AMD1: variants seen among roughly 807,000 people sequenced by gnomAD.
The protein encoded by AMD1 is adenosylmethionine decarboxylase 1.
AMD1 carries 11 observed loss-of-function variants against 40.2 expected under a neutral mutation model. The observed-to-expected ratio is 0.27, with a 90% CI of 0.17 to 0.45. The LOEUF is 0.45. Ranked by LOEUF, AMD1 falls within the 20% of genes least tolerant of loss-of-function variation. AMD1 has a pLI of 1.00. For missense variants in AMD1, 257 were observed against 410.2 expected (o/e 0.63, Z 3.23); for synonymous variants, 121 against 130.8 (o/e 0.93, Z 0.51).
chr6:110,822,805 A>G, the AMD1 span, among the ~76,000 whole-genome samples: 1 of 152,160 alleles, frequency 6.6e-6, no homozygotes, highest in African/African-American at 2.4e-5. Context: ...GTGATTCACC[A>G]CAGAAACAGA....
chr6:110,889,775 A>C (rs1785905466), intron 3 of AMD1: 1 of 152,800 alleles, frequency 6.5e-6, no homozygotes, highest in African/African-American at 2.4e-5. Flanking sequence ...CTTCATAAGG[A>C]AAGGATGGAT....
At chr6:110,877,384 A>AAT (rs1393965395) in intron 1 of AMD1, among the ~76,000 whole-genome samples, 1 of 152,268 alleles carries the variant, frequency 6.6e-6, no homozygotes, top group African/African-American at 2.4e-5. Flanking sequence ...AAAAGCCTGA[A>AAT]ATAGTAGGTG....
At chr6:110,889,063 T>C (rs1295645645) in intron 3 of AMD1, 80 bp downstream of exon 3, 1 of 1,525,592 alleles carries the variant, frequency 6.6e-7, no homozygotes, top group African/African-American at 1.4e-5. Flanking sequence ...TAAATAAATT[T>C]ATATACTTAC....
the AMD1 span, among the ~76,000 whole-genome samples, chr6:110,821,598 GC>G: frequency 3.6e-4 from 55 of 151,856 alleles, no homozygotes; most frequent in South Asian, 0.011. Context: ...TGGGAGACGA[GC>G]AAAACTCCAT....
At chr6:110,815,050 G>T in the AMD1 span, 1 of 1,605,846 alleles carries the variant, frequency 6.2e-7, no homozygotes, top group Non-Finnish European at 8.5e-7. Flanking sequence ...CGTAGGTGCC[G>T]CGTCCCACTT....
At chr6:110,845,079 G>A in the AMD1 span, among the ~76,000 whole-genome samples, 201 of 136,020 alleles carry the variant, frequency 1.5e-3, no homozygotes, top group Non-Finnish European at 2.6e-3. Context: ...TCACTCTGTC[G>A]CCCAGGCTGG....
intron 7 of AMD1, 21 bp from the exon 8 acceptor site, chr6:110,892,889 A>G (rs1786109921): frequency 6.2e-7 from 1 of 1,613,192 alleles, no homozygotes. Flanking sequence ...CATTCTTAAC[A>G]CTGTGAACTT....
the AMD1 span, among the ~76,000 whole-genome samples, chr6:110,855,046 C>T: frequency 7.0e-6 from 1 of 142,172 alleles, no homozygotes; most frequent in East Asian, 2.2e-4. Context: ...AATTGCATGG[C>T]TTAAAGTTCT....
At chr6:110,814,767 C>T in the AMD1 span, 2 of 662,004 alleles carry the variant, frequency 3.0e-6, no homozygotes, top group South Asian at 1.5e-5. Context: ...GGGCGCCCCT[C>T]TGGGACGGGA....
At chr6:110,826,734 C>T in the AMD1 span, among the ~76,000 whole-genome samples, 307 of 149,638 alleles carry the variant, frequency 2.1e-3, 2 homozygotes, top group African/African-American at 7.3e-3. Flanking sequence ...CTTGTTGGCC[C>T]AGGCTGGAGT....
chr6:110,881,828 A>G (rs956140659), intron 1 of AMD1, among the ~76,000 whole-genome samples: 2 of 151,836 alleles, frequency 1.3e-5, no homozygotes, highest in South Asian at 2.1e-4. Flanking sequence ...GCATCTCAAA[A>G]AAAAAAAAAA....
chr6:110,885,598 G>A (rs1197116208), intron 1 of AMD1, among the ~76,000 whole-genome samples: 3 of 152,082 alleles, frequency 2.0e-5, no homozygotes, highest in Non-Finnish European at 4.4e-5. Flanking sequence ...ACAAGCCAGG[G>A]GTAATTTCAA....
chr6:110,847,388 G>C, the AMD1 span, among the ~76,000 whole-genome samples: 1 of 151,088 alleles, frequency 6.6e-6, no homozygotes, highest in African/African-American at 2.4e-5. Flanking sequence ...AGCCGGGCAT[G>C]GTGGTGGGTG....
At chr6:110,821,108 C>G in the AMD1 span, among the ~76,000 whole-genome samples, 7 of 152,150 alleles carry the variant, frequency 4.6e-5, no homozygotes, top group African/African-American at 1.7e-4. Flanking sequence ...ACAGCAGTTT[C>G]AGTTTCTATG....
chr6:110,830,947 C>T, the AMD1 span, among the ~76,000 whole-genome samples: 3 of 151,996 alleles, frequency 2.0e-5, no homozygotes, highest in Non-Finnish European at 2.9e-5. Context: ...GTAGAGATGG[C>T]ATTTCACTAT....
chr6:110,856,151 A>G, the AMD1 span, among the ~76,000 whole-genome samples: 1 of 151,322 alleles, frequency 6.6e-6, no homozygotes, highest in Non-Finnish European at 1.5e-5. Flanking sequence ...ACAGATCCCA[A>G]GTAGAGGTCA....
chr6:110,865,486 C>G, the AMD1 span, among the ~76,000 whole-genome samples: 5 of 151,648 alleles, frequency 3.3e-5, no homozygotes, highest in African/African-American at 1.2e-4. Context: ...CTCCACCTCC[C>G]AGGTTCAAGC....
intron 8 of AMD1, 115 bp from the exon 9 acceptor site, chr6:110,893,360 TA>T: frequency 7.1e-7 from 1 of 1,411,752 alleles, no homozygotes. Flanking sequence ...AGAAGGCAGC[TA>T]AAATAACTCA....
chr6:110,881,582 G>A (rs1562336084), intron 1 of AMD1, among the ~76,000 whole-genome samples: 2 of 152,082 alleles, frequency 1.3e-5, no homozygotes, highest in East Asian at 1.9e-4. Context: ...TTGGGAGGCC[G>A]AGGCGGGTGG....
Sources: gnomAD v4.1 joint callset for allele counts (sites outside exome capture counted in the v4.1 genomes callset) on GRCh38, gnomAD v4.1.1 for gene constraint, MANE v1.5 for transcripts, NCBI Gene and HGNC (gene_info 2026-07-23, HGNC 2026-07-21) for gene names.